Variants in PDE11A observed in about 807,000 individuals in gnomAD.
PDE11A encodes the protein dual 3',5'-cyclic-AMP and -GMP phosphodiesterase 11A.
A neutral mutation model predicts 100.5 loss-of-function variants in PDE11A; 100 were observed. The observed-to-expected ratio is 1.00, with a 90% confidence interval of 0.85 to 1.18. The LOEUF is 1.18. Among genes scored for constraint, PDE11A ranks in the 50% most tolerant of loss-of-function variants. The probability of loss-of-function intolerance (pLI) is 0.00; values close to 1 mark genes in which losing one functional copy is unlikely to be tolerated. For missense variants in PDE11A, 1,141 were observed against 1,152.6 expected, an observed-to-expected ratio of 0.99 and a Z score of 0.15; for synonymous variants, 381 against 420.8, an observed-to-expected ratio of 0.91 and a Z score of 1.16.
intron 5 of PDE11A, among the ~76,000 whole-genome samples, chr2:177,846,635 T>C (rs1164586095): frequency 6.6e-6 from 1 of 152,220 alleles, no homozygotes; most frequent in Non-Finnish European, 1.5e-5. Context: ...CAGCCACGTT[T>C]AGTTGTGCAG....
chr2:177,898,290 T>C, intron 3 of PDE11A, 92 bp from the exon 4 acceptor site: 2 of 813,212 alleles, frequency 2.5e-6, no homozygotes, highest in Non-Finnish European at 4.0e-6. Context: ...TTCAATAAAA[T>C]ATAGTAAATC....
upstream of PDE11A, among the ~76,000 whole-genome samples, chr2:178,077,368 G>T (rs963566936): frequency 7.2e-6 from 1 of 138,614 alleles, no homozygotes. Flanking sequence ...CAAAATATTT[G>T]CTCCTAAATG....
At chr2:177,875,974 T>C in intron 4 of PDE11A, 51 bp from the exon 5 acceptor site, 1 of 1,009,084 alleles carries the variant, frequency 9.9e-7, no homozygotes. Flanking sequence ...TTTATTGCCG[T>C]TTAAAATAAT....
intron 1 of PDE11A, chr2:178,018,172 G>T: frequency 3.2e-6 from 1 of 313,688 alleles, no homozygotes; most frequent in Non-Finnish European, 6.3e-6. Context: ...TGTTTCCAAG[G>T]CTGCGTCTGT....
At chr2:177,890,909 C>A (rs542513842) in intron 4 of PDE11A, among the ~76,000 whole-genome samples, 1 of 152,088 alleles carries the variant, frequency 6.6e-6, no homozygotes, top group East Asian at 1.9e-4. Context: ...TGTTTCTCCC[C>A]TTTATTATTC....
chr2:177,872,721 T>C lies in PDE11A; in HGVS notation c.1367+3138A>G, dbSNP rs1574238435. The stretch of plus-strand genomic sequence containing the variant: ...CATCATCTATAGTGATGATGTTAAA[T>C]GATGAAAGGTTAAAGGAAAGATCAG... On this transcript the variant is annotated intron_variant, in intron 5 of 19. Coordinates refer to ENST00000286063, the MANE Select transcript of PDE11A (RefSeq NM_016953.4). Among the ~76,000 whole-genome samples the C allele has an allele frequency of 6.6e-5, 10 of 152,308 alleles. No homozygotes were observed. In the South Asian group the frequency reaches 2.1e-3, roughly 32 times the overall value.
At chr2:177,958,871 T>G (rs916710638) in intron 2 of PDE11A, among the ~76,000 whole-genome samples, 1 of 152,228 alleles carries the variant, frequency 6.6e-6, no homozygotes, top group African/African-American at 2.4e-5. Context: ...GAAAAAATAC[T>G]GAATTAATAG....
At chr2:178,058,974 C>T (rs1171912651) in intron 1 of PDE11A, among the ~76,000 whole-genome samples, 1 of 152,284 alleles carries the variant, frequency 6.6e-6, no homozygotes, top group East Asian at 1.9e-4. Flanking sequence ...TGCATTCACC[C>T]AGGGTCCTGT....
intron 4 of PDE11A, among the ~76,000 whole-genome samples, chr2:177,888,277 T>C (rs951478654): frequency 1.3e-5 from 2 of 152,168 alleles, no homozygotes; most frequent in Non-Finnish European, 2.9e-5. Flanking sequence ...TTCAGATAGA[T>C]ACTGGTGCAG....
chr2:177,767,797 T>C (rs1003554005), intron 10 of PDE11A, among the ~76,000 whole-genome samples: 3 of 152,172 alleles, frequency 2.0e-5, no homozygotes, highest in Admixed American at 6.5e-5. Flanking sequence ...ATTCAACAAG[T>C]ATCTATTGAG....
chr2:177,712,923 A>G (rs1559155878), intron 12 of PDE11A, among the ~76,000 whole-genome samples: 1 of 152,128 alleles, frequency 6.6e-6, no homozygotes, highest in Non-Finnish European at 1.5e-5. Context: ...CCTGTAAGAC[A>G]CTTCTCTTAG....
intron 6 of PDE11A, among the ~76,000 whole-genome samples, chr2:177,832,632 A>G (rs2083330719): frequency 6.6e-6 from 1 of 152,028 alleles, no homozygotes; most frequent in African/African-American, 2.4e-5. Context: ...TAGGTGACTA[A>G]TAGAAGTCGC....
chr2:178,041,245 A>ATT (rs1424410830), intron 1 of PDE11A, among the ~76,000 whole-genome samples: 13 of 139,184 alleles, frequency 9.3e-5, no homozygotes, highest in East Asian at 2.1e-4. Context: ...AAGCTCAGAA[A>ATT]TTTTTTTTTT....
chr2:177,678,059 GAC>G, intron 16 of PDE11A: 1 of 152,300 alleles, frequency 6.6e-6, no homozygotes, highest in African/African-American at 2.4e-5. Context: ...ACAAAAATAT[GAC>G]ACTTTGCAGT....
chr2:177,687,904 T>C (rs779420023), intron 15 of PDE11A: 7 of 152,218 alleles, frequency 4.6e-5, no homozygotes, highest in Non-Finnish European at 2.9e-5. Flanking sequence ...AAAGATTTAT[T>C]GTTGCCAATA....
intron 2 of PDE11A, among the ~76,000 whole-genome samples, chr2:177,918,186 T>G (rs1467037431): frequency 6.6e-6 from 1 of 152,252 alleles, no homozygotes; most frequent in Non-Finnish European, 1.5e-5. Context: ...GGAAACTGTC[T>G]ACATGAGTCA....
At chr2:177,850,470 C>T (rs1309594074) in intron 5 of PDE11A, among the ~76,000 whole-genome samples, 4 of 152,170 alleles carry the variant, frequency 2.6e-5, no homozygotes, top group Non-Finnish European at 5.9e-5. Flanking sequence ...AGGACAGAGG[C>T]ATGGGCAAGG....
intron 3 of PDE11A, among the ~76,000 whole-genome samples, chr2:177,899,843 AT>A (rs2105729685): frequency 1.3e-5 from 2 of 151,208 alleles, no homozygotes; most frequent in South Asian, 4.2e-4. Context: ...ATACTGCTTT[AT>A]CCCAAACTGT....
chr2:177,855,893 G>C (rs1288316078), intron 5 of PDE11A, among the ~76,000 whole-genome samples: 1 of 136,628 alleles, frequency 7.3e-6, no homozygotes, highest in Non-Finnish European at 1.5e-5. Context: ...TAGACATCTA[G>C]AACGTATGCA....
Sources: gnomAD v4.1 joint callset for allele counts (sites outside exome capture counted in the v4.1 genomes callset) on GRCh38, gnomAD v4.1.1 for gene constraint, MANE v1.5 for transcripts, NCBI Gene and HGNC (gene_info 2026-07-23, HGNC 2026-07-21) for gene names.